STPG2: variants seen among roughly 807,000 people sequenced by gnomAD.
STPG2 encodes sperm tail PG-rich repeat containing 2.
In STPG2, 56 loss-of-function variants were observed where a neutral mutation model predicts 54.2. The ratio of observed to expected loss-of-function variants is 1.03; its 90% CI spans 0.83 to 1.29. The LOEUF is 1.29. Among genes scored for constraint, STPG2 ranks in the 50% most tolerant of loss-of-function variants. The probability of loss-of-function intolerance (pLI) is 0.00; values close to 1 mark genes in which losing one functional copy is unlikely to be tolerated. For synonymous variants in STPG2, 200 were observed against 181.8 expected (o/e 1.10, Z -0.81); for missense variants, 596 against 544.9 (o/e 1.09, Z -0.93).
At chr4:97,599,704 G>T (rs534932108) in intron 10 of STPG2, among the ~76,000 whole-genome samples, 1 of 151,628 alleles carries the variant, frequency 6.6e-6, no homozygotes, top group Non-Finnish European at 1.5e-5. Flanking sequence ...GGCACCCATA[G>T]TCCCAGCTAC....
chr4:97,957,078 T>C (rs1037728260), intron 7 of STPG2, among the ~76,000 whole-genome samples: 11 of 151,236 alleles, frequency 7.3e-5, no homozygotes, highest in Admixed American at 5.3e-4. Context: ...TAAATATATA[T>C]ATATGTGAAA....
chr4:97,534,230 G>T (rs1731479255), intron 4 of STPG2, among the ~76,000 whole-genome samples: 1 of 151,928 alleles, frequency 6.6e-6, no homozygotes, highest in South Asian at 2.1e-4. Context: ...GGTCATACAT[G>T]GTCATGAGGT....
chr4:97,638,074 C>G (rs367735833), intron 10 of STPG2, among the ~76,000 whole-genome samples: 2 of 152,156 alleles, frequency 1.3e-5, no homozygotes, highest in Non-Finnish European at 2.9e-5. Context: ...GAAGCCATCA[C>G]ACTACCTGAC....
intron 10 of STPG2, among the ~76,000 whole-genome samples, chr4:97,696,348 T>A (rs1452815341): frequency 6.6e-6 from 1 of 152,208 alleles, no homozygotes; most frequent in Non-Finnish European, 1.5e-5. Flanking sequence ...TGAATCTTCA[T>A]CTCTTACCTT....
intron 5 of STPG2, among the ~76,000 whole-genome samples, chr4:98,031,553 T>C (rs1004927666): frequency 5.3e-5 from 8 of 151,864 alleles, no homozygotes; most frequent in Admixed American, 5.3e-4. Context: ...TGGCCTGTAG[T>C]CCCAGCCTAT....
intron 9 of STPG2, among the ~76,000 whole-genome samples, chr4:97,835,018 T>C (rs1055016241): frequency 6.6e-6 from 1 of 152,060 alleles, no homozygotes; most frequent in South Asian, 2.1e-4. Context: ...AGTGCCTCCA[T>C]CTTAAGTAGT....
chr4:97,943,941 C>G lies in STPG2; in HGVS notation c.1000G>C (p.Ala334Pro), dbSNP rs780077483. ...ELPNLTNKYAAFLSRAKRTMK... is the reference protein window; with the variant it reads ...ELPNLTNKYAPFLSRAKRTMK... The stretch of plus-strand genomic sequence containing the variant: ...GTTCTTTTGGCTCTTGACAAGAAAG[C>G]AGCATATTTGTTAGTCAAGTTAGGT... Residue 334 changes from alanine to proline, a missense_variant, in exon 8 of 11, where the codon GCT becomes CCT. Transcript: ENST00000295268. The G allele has an allele frequency of 6.3e-7, 1 of 1,595,636 alleles. No individual in the cohort carries two copies. The highest frequency in any genetic ancestry group is 1.1e-5 in the South Asian group (1 of 87,506).
chr4:97,988,662 A>C (rs1475035812), intron 5 of STPG2, among the ~76,000 whole-genome samples: 2 of 152,182 alleles, frequency 1.3e-5, no homozygotes, highest in Non-Finnish European at 1.5e-5. Context: ...GCTGGAGTGC[A>C]GTGGCCCAAT....
At chr4:97,867,347 T>C (rs1729829155) in intron 8 of STPG2, among the ~76,000 whole-genome samples, 1 of 151,948 alleles carries the variant, frequency 6.6e-6, no homozygotes, top group African/African-American at 2.4e-5. Context: ...GAAGTCACAT[T>C]TTCATTTATA....
At chr4:97,479,765 C>T (rs553147995) in intron 4 of STPG2, among the ~76,000 whole-genome samples, 30 of 151,946 alleles carry the variant, frequency 2.0e-4, no homozygotes, top group Admixed American at 1.6e-3. Flanking sequence ...TTTTATTCAA[C>T]TCCTAGAAAA....
chr4:97,982,069 A>C (rs1734700906), intron 5 of STPG2, among the ~76,000 whole-genome samples: 1 of 151,768 alleles, frequency 6.6e-6, no homozygotes, highest in Admixed American at 6.6e-5. Flanking sequence ...TATTTTTAGT[A>C]GAAACGGGGT....
chr4:97,687,330 T>G (rs961719940), intron 10 of STPG2, among the ~76,000 whole-genome samples: 2 of 151,762 alleles, frequency 1.3e-5, no homozygotes, highest in African/African-American at 2.4e-5. Flanking sequence ...CTTTTTTTTT[T>G]TTCTTTTTTT....
intron 9 of STPG2, among the ~76,000 whole-genome samples, chr4:97,749,856 G>T (rs1172835769): frequency 6.6e-6 from 1 of 151,706 alleles, no homozygotes; most frequent in Admixed American, 6.6e-5. Context: ...GTGAAATTTT[G>T]AATTATGGAA....
chr4:97,577,343 G>A (rs935886453), intron 10 of STPG2, among the ~76,000 whole-genome samples: 1 of 152,012 alleles, frequency 6.6e-6, no homozygotes, highest in African/African-American at 2.4e-5. Context: ...ATCAACCTAG[G>A]TATCCATACG....
intron 4 of STPG2, among the ~76,000 whole-genome samples, chr4:97,532,341 A>G (rs1412405344): frequency 1.3e-5 from 2 of 152,136 alleles, no homozygotes; most frequent in Non-Finnish European, 2.9e-5. Flanking sequence ...GAAATATGTT[A>G]TTTCATTTGA....
intron 10 of STPG2, among the ~76,000 whole-genome samples, chr4:97,634,987 G>A (rs1721455890): frequency 1.3e-5 from 2 of 152,220 alleles, no homozygotes; most frequent in East Asian, 1.9e-4. Context: ...GAAATACAGA[G>A]AACGCCACAA....
chr4:97,796,645 G>A (rs1727192619), intron 9 of STPG2, among the ~76,000 whole-genome samples: 1 of 152,126 alleles, frequency 6.6e-6, no homozygotes, highest in Non-Finnish European at 1.5e-5. Flanking sequence ...GATGCCTCCA[G>A]CTTTGTTCTT....
chr4:98,007,432 A>T (rs1735609205), intron 5 of STPG2, among the ~76,000 whole-genome samples: 1 of 152,314 alleles, frequency 6.6e-6, no homozygotes, highest in Non-Finnish European at 1.5e-5. Context: ...CTCAGCATAC[A>T]TTATAATCAC....
chr4:97,890,037 A>G (rs982090232), intron 8 of STPG2, among the ~76,000 whole-genome samples: 2 of 152,144 alleles, frequency 1.3e-5, no homozygotes, highest in Admixed American at 1.3e-4. Flanking sequence ...TATTAAAGGC[A>G]ATCAGTTTTT....
Sources: allele counts gnomAD v4.1 joint callset (sites outside exome capture counted in the v4.1 genomes callset), GRCh38; gene constraint gnomAD v4.1.1; transcripts MANE v1.5; gene names NCBI Gene and HGNC (gene_info 2026-07-23, HGNC 2026-07-21).